The following NCOR2 variants were observed in gnomAD, a reference collection of about 807,000 sequenced individuals.
NCOR2 encodes nuclear receptor corepressor 2.
NCOR2 carries 81 observed loss-of-function variants against 262.9 expected under a neutral mutation model. That is an observed-to-expected ratio of 0.31 (90% CI 0.26 to 0.37). NCOR2 has a LOEUF of 0.37. NCOR2 is among the 10% of genes least tolerant of loss of function. The pLI, the probability that NCOR2 is intolerant of heterozygous loss-of-function variation, is 1.00. For missense variants in NCOR2, 3,385 were observed against 3,621.4 expected (o/e 0.93, Z 1.68); for synonymous variants, 1,659 against 1,559.3 (o/e 1.06, Z -1.51).
chr12:124,385,279 C>G (rs538769644), intron 17 of NCOR2, among the ~76,000 whole-genome samples: 1 of 152,226 alleles, frequency 6.6e-6, no homozygotes. Context: ...CCCGCCCCCC[C>G]AGACCTGTCC....
intron 8 of NCOR2, among the ~76,000 whole-genome samples, chr12:124,437,115 AAAATGAAATG>A (rs1254471588): frequency 6.7e-6 from 1 of 148,996 alleles, no homozygotes; most frequent in East Asian, 1.9e-4. Flanking sequence ...ATAAACAAAT[AAAATGAAATG>A]AAATGTAATG....
chr12:124,497,825 G>C (rs1015810277), upstream of NCOR2, among the ~76,000 whole-genome samples: 1 of 152,182 alleles, frequency 6.6e-6, no homozygotes, highest in Non-Finnish European at 1.5e-5. This position sits in a 1 kb window ranked among gnomAD's most constrained non-coding sequence, Gnocchi z 4.2. Context: ...CACCAGTGAC[G>C]CTATGATGGG....
Position 124,495,046 on chromosome 12 carries a change from CAT to C in NCOR2, c.105+99_105+100del. ...CTCTGCCCTGGGAGGCTCAGAGCCA[CAT>C]GAGCCTGGCTCCCAGGAGAAAGGAA... On this transcript the variant is annotated intron_variant, in intron 1 of 46. Coordinates refer to ENST00000405201, the Ensembl canonical transcript of NCOR2. The surrounding 1 kb of genome is among the most constrained non-coding windows in gnomAD (Gnocchi z 4.4). 2.8e-6 allele frequency: 4 copies of C among 1,451,796 alleles called. No individual in the cohort carries two copies. Among genetic ancestry groups the C allele is most frequent in the Non-Finnish European group, 1.9e-6 (2 of 1,072,998 alleles). The allele number at this position is 1,451,796 out of a possible 1,614,324, so 89.9% of individuals were successfully genotyped here.
At chr12:124,330,923 G>A (rs1394618311) in intron 43 of NCOR2, 25 bp from the exon 46 acceptor site, 19 of 1,569,334 alleles carry the variant, frequency 1.2e-5, no homozygotes, top group Non-Finnish European at 1.6e-5. Context: ...CAGAGTGGGT[G>A]AGGCCCCCAG....
chr12:124,525,945 G>C (rs1158792760), intron 1 of NCOR2, among the ~76,000 whole-genome samples: 1 of 152,194 alleles, frequency 6.6e-6, no homozygotes, highest in Non-Finnish European at 1.5e-5. Context: ...TGTATGGGGT[G>C]CACGTTAGAA....
chr12:124,534,073 C>T (rs2137180758), intron 1 of NCOR2, among the ~76,000 whole-genome samples: 1 of 152,164 alleles, frequency 6.6e-6, no homozygotes, highest in South Asian at 2.1e-4. Flanking sequence ...CCCAGGCTAC[C>T]ACCTGTACGG....
chr12:124,465,567 C>T (rs1565967400), intron 5 of NCOR2, among the ~76,000 whole-genome samples: 1 of 152,230 alleles, frequency 6.6e-6, no homozygotes, highest in Non-Finnish European at 1.5e-5. Context: ...TTTCAATCAT[C>T]TCAAAGGCCC....
chr12:124,479,189 A>G (rs942347541), intron 3 of NCOR2, among the ~76,000 whole-genome samples: 6 of 152,240 alleles, frequency 3.9e-5, no homozygotes, highest in African/African-American at 1.4e-4. Flanking sequence ...TCACCCTCCA[A>G]GGCTGGGCCC....
At chr12:124,420,551 G>A (rs772496352) in intron 12 of NCOR2, among the ~76,000 whole-genome samples, 1 of 152,110 alleles carries the variant, frequency 6.6e-6, no homozygotes, top group Admixed American at 6.5e-5. Context: ...CTTGTGCATC[G>A]GGACCGCCCC....
At position 124,379,801 on chromosome 12, in the gene NCOR2, C is replaced by T. The variant is rs559942200; in HGVS notation, c.2020-1417G>A. ...GGAGTGGGGTGGGCCCTAAATCCAA[C>T]AGGACTGACAGCCTTGGAAGAAAAG... On this transcript the variant is annotated intron_variant, in intron 17 of 46. Coordinates refer to ENST00000405201, the Ensembl canonical transcript of NCOR2. Among the ~76,000 whole-genome samples the T allele has an allele frequency of 2.6e-5, 4 of 152,238 alleles. No homozygotes were observed. In the South Asian group the frequency reaches 8.3e-4, roughly 32 times the overall value.
intron 41 of NCOR2, among the ~76,000 whole-genome samples, chr12:124,333,900 G>GCATGTGTGTGTGCA (rs1566353736): frequency 1.1e-4 from 15 of 142,670 alleles, no homozygotes; most frequent in East Asian, 8.0e-4. Context: ...GTGTGTGCGC[G>GCATGTGTGTGTGCA]CGCATGTGTG....
rs965326098 is a variant in NCOR2, at chr12:124,531,390, G to A, written c.-118+4175C>T. On this transcript the variant is annotated intron_variant, in intron 1 of 46. Transcript: ENST00000404621. This position sits in a 1 kb window ranked among gnomAD's most constrained non-coding sequence, Gnocchi z 4.5. ...CATCCCCCGGGCCCGATTAGCGGGC[G>A]GCCGCAGGCAGACACGCTCAACTGT... Among the ~76,000 whole-genome samples, 6 of 152,170 alleles carry A rather than the reference G, an allele frequency of 3.9e-5. No homozygotes were observed. Among genetic ancestry groups the A allele is most frequent in the Non-Finnish European group, 7.4e-5 (5 of 68,008 alleles).
At chr12:124,456,910 C>T (rs1339630299) in intron 6 of NCOR2, among the ~76,000 whole-genome samples, 196 bp downstream of exon 8, 1 of 151,148 alleles carries the variant, frequency 6.6e-6, no homozygotes, top group Non-Finnish European at 1.5e-5. Context: ...CCCCACCCAG[C>T]CCAGCCAGGC....
chr12:124,343,188 G>A (rs2036597722), exon 33 of NCOR2: 1 of 1,609,100 alleles, frequency 6.2e-7, no homozygotes, highest in Non-Finnish European at 8.5e-7. Context: ...GTCGACGTCA[G>A]CTTTCGGTCC....
In NCOR2 at chr12:124,456,698, A is replaced by G. The variant is rs146447493; in HGVS notation, c.762+408T>C. Among the ~76,000 whole-genome samples, 1,466 of 152,348 alleles carry G rather than the reference A, an allele frequency of 9.6e-3. 20 individuals carry two copies. The highest frequency in any genetic ancestry group is 0.033 in the African/African-American group (1,370 of 41,560). ...CACAGGGAGGGTAACAGACCCGCTC[A>G]GGGTCACACCGCCATGAAGCGGTGC... On this transcript the variant is annotated intron_variant, in intron 6 of 46. Transcript: ENST00000405201.
In NCOR2 at chr12:124,388,697, G is replaced by C. The variant is rs568738003; in HGVS notation, c.1877-2810C>G. 13 of 1,304,426 alleles carry C rather than the reference G, an allele frequency of 1.0e-5. No homozygotes were observed. The South Asian group carries it at 1.6e-4, about 16-fold the overall frequency. 80.8% of individuals were successfully genotyped at this position (1,304,426 alleles called of 1,614,324 possible). The stretch of plus-strand genomic sequence containing the variant: ...ACCACTCACTCACATCCTCTCATTC[G>C]CGTCTCCCCCTCGGCCAAGTTTTCC... On this transcript the variant is annotated intron_variant, in intron 16 of 46. Transcript: ENST00000405201.
At chr12:124,337,356 C>T (rs1346917162) in intron 37 of NCOR2, 176 bp from the exon 40 acceptor site, 5 of 783,812 alleles carry the variant, frequency 6.4e-6, no homozygotes, top group African/African-American at 5.1e-5. Context: ...ACCCATCCCA[C>T]TCATTCGTTC....
intron 10 of NCOR2, among the ~76,000 whole-genome samples, chr12:124,428,044 A>AGTGTGTGTCTGTGT (rs2043664003): frequency 8.9e-6 from 1 of 112,398 alleles, no homozygotes; most frequent in South Asian, 3.2e-4. Flanking sequence ...CCATGTGGCC[A>AGTGTGTGTCTGTGT]GTGTGTGTGT....
At chr12:124,430,851 T>C (rs1049578169) in intron 8 of NCOR2, 64 bp from the exon 11 acceptor site, 8 of 1,535,026 alleles carry the variant, frequency 5.2e-6, no homozygotes, top group African/African-American at 4.1e-5. Flanking sequence ...GCCTCCCCCC[T>C]GCCCACTCAC....
Sources: allele counts gnomAD v4.1 joint callset (sites outside exome capture counted in the v4.1 genomes callset), GRCh38; gene constraint gnomAD v4.1.1; non-coding constraint Gnocchi (gnomAD v3.1); transcripts MANE v1.5; gene names NCBI Gene and HGNC (gene_info 2026-07-23, HGNC 2026-07-21).